The following CFAP20DC variants were observed in gnomAD, a reference collection of about 807,000 sequenced individuals.
CFAP20DC encodes CFAP20 domain containing.
CFAP20DC carries 84 observed loss-of-function variants against 101.7 expected under a neutral mutation model. The observed-to-expected ratio is 0.83, with a 90% CI of 0.69 to 0.99. The LOEUF is 0.99. Among genes scored for constraint, CFAP20DC ranks in the 50% least tolerant of loss-of-function variants. CFAP20DC has a pLI of 0.00. For missense variants in CFAP20DC, 1,007 were observed against 970.3 expected (o/e 1.04, Z -0.50); for synonymous variants, 359 against 351.2 (o/e 1.02, Z -0.25).
chr3:58,791,568 T>C (rs905220066), intron 15 of CFAP20DC, among the ~76,000 whole-genome samples: 2 of 152,184 alleles, frequency 1.3e-5, no homozygotes, highest in Non-Finnish European at 2.9e-5. Flanking sequence ...TATGAAAATA[T>C]ATGAAATGCT....
At chr3:59,018,005 A>C (rs1393142896) in intron 4 of CFAP20DC, 1 of 152,124 alleles carries the variant, frequency 6.6e-6, no homozygotes, top group Admixed American at 6.6e-5. Context: ...TCAGATTCCC[A>C]TTCCTAAAAG....
intron 4 of CFAP20DC, among the ~76,000 whole-genome samples, chr3:58,943,272 A>T (rs1300828917): frequency 6.6e-6 from 1 of 152,118 alleles, no homozygotes; most frequent in Non-Finnish European, 1.5e-5. Flanking sequence ...GTGCCTCCTG[A>T]CTGGGAGACA....
chr3:58,848,467 G>T (rs993837788), intron 13 of CFAP20DC, among the ~76,000 whole-genome samples: 1 of 152,108 alleles, frequency 6.6e-6, no homozygotes, highest in Non-Finnish European at 1.5e-5. Flanking sequence ...GCTTATAGGG[G>T]AATTGAAGGA....
intron 14 of CFAP20DC, among the ~76,000 whole-genome samples, chr3:58,828,780 T>C (rs2076208125): frequency 6.6e-6 from 1 of 151,618 alleles, no homozygotes; most frequent in African/African-American, 2.4e-5. Flanking sequence ...AATGTGCACA[T>C]GTACCTCCTC....
intron 14 of CFAP20DC, among the ~76,000 whole-genome samples, chr3:58,814,001 G>C (rs572005545): frequency 7.2e-5 from 11 of 151,928 alleles, no homozygotes; most frequent in Non-Finnish European, 1.3e-4. Context: ...GGCCTAACAG[G>C]TTCTCTGGAC....
At chr3:58,801,786 A>C (rs1473924141) in intron 15 of CFAP20DC, among the ~76,000 whole-genome samples, 1 of 152,242 alleles carries the variant, frequency 6.6e-6, no homozygotes, top group African/African-American at 2.4e-5. Flanking sequence ...TCAGATAATT[A>C]TGGTTATAAG....
chr3:58,945,114 T>C (rs972334497), intron 4 of CFAP20DC, among the ~76,000 whole-genome samples: 3 of 152,218 alleles, frequency 2.0e-5, no homozygotes, highest in South Asian at 4.1e-4. Flanking sequence ...ACTATTATTA[T>C]TATCATCTAT....
At chr3:58,778,068 T>C (rs556082974) in intron 15 of CFAP20DC, among the ~76,000 whole-genome samples, 2 of 152,320 alleles carry the variant, frequency 1.3e-5, no homozygotes, top group South Asian at 2.1e-4. Context: ...CCACTGCTCA[T>C]GACCTGGACT....
At chr3:58,890,514 G>A (rs1325126305) in intron 6 of CFAP20DC, among the ~76,000 whole-genome samples, 8 of 149,874 alleles carry the variant, frequency 5.3e-5, no homozygotes, top group Non-Finnish European at 1.0e-4. Context: ...AGGGGCAGCC[G>A]GGCAGAGGCG....
chr3:58,814,037 C>T (rs540071530), intron 14 of CFAP20DC, among the ~76,000 whole-genome samples: 11 of 151,954 alleles, frequency 7.2e-5, no homozygotes, highest in Admixed American at 3.9e-4. Flanking sequence ...TAGAAATACT[C>T]CCAATAACAA....
chr3:58,746,828 G>T (rs886207962), intron 16 of CFAP20DC, among the ~76,000 whole-genome samples: 2 of 151,966 alleles, frequency 1.3e-5, no homozygotes, highest in Admixed American at 1.3e-4. Context: ...TTACATAAAA[G>T]GTTTTGTTTT....
At chr3:58,817,154 A>G (rs569004422) in intron 14 of CFAP20DC, among the ~76,000 whole-genome samples, 62 of 151,966 alleles carry the variant, frequency 4.1e-4, no homozygotes, top group Admixed American at 7.2e-4. Flanking sequence ...CACCATCATC[A>G]AAGACCAAAA....
intron 3 of CFAP20DC, among the ~76,000 whole-genome samples, chr3:59,040,126 T>A (rs192775820): frequency 1.3e-5 from 2 of 152,210 alleles, no homozygotes; most frequent in Admixed American, 1.3e-4. Context: ...CCATAGCTAA[T>A]TCATATGGTT....
intron 14 of CFAP20DC, among the ~76,000 whole-genome samples, chr3:58,810,338 CA>C (rs1373681780): frequency 1.3e-5 from 2 of 152,020 alleles, no homozygotes; most frequent in Non-Finnish European, 2.9e-5. Flanking sequence ...AGCAGCATAT[CA>C]AAAAGCTTAT....
chr3:58,805,965 T>A (rs2074024339), intron 15 of CFAP20DC, among the ~76,000 whole-genome samples: 1 of 152,210 alleles, frequency 6.6e-6, no homozygotes, highest in African/African-American at 2.4e-5. Context: ...GGGCACCAGA[T>A]GATATAAAAA....
chr3:58,969,433 G>A lies in CFAP20DC; in HGVS notation c.279-31671C>T, dbSNP rs533325640. ...CCTCTTTGGAAACAGTTTCAAATAC[G>A]TAAAGTTCCATATGACCCAGCAATT... On this transcript the variant is annotated intron_variant, in intron 4 of 16. Transcript: ENST00000482387. 8.5e-5 allele frequency among the ~76,000 whole-genome samples: 13 copies of A among 152,226 alleles called. No individual in the cohort carries two copies. In the East Asian group the frequency reaches 2.3e-3, roughly 27 times the overall value.
chr3:58,716,328 A>AT (rs1156708079), downstream of CFAP20DC, among the ~76,000 whole-genome samples: 19 of 150,092 alleles, frequency 1.3e-4, 1 homozygote, highest in South Asian at 1.1e-3. Context: ...CGCCCGGCTA[A>AT]TTTTTTTTGT....
intron 4 of CFAP20DC, among the ~76,000 whole-genome samples, chr3:58,998,279 T>C (rs1188837289): frequency 6.6e-6 from 1 of 152,224 alleles, no homozygotes; most frequent in East Asian, 1.9e-4. Context: ...TGAAGTCTCA[T>C]AGGTCTGTTT....
At chr3:58,895,360 T>C (rs2082584181) in intron 6 of CFAP20DC, among the ~76,000 whole-genome samples, 1 of 152,204 alleles carries the variant, frequency 6.6e-6, no homozygotes, top group African/African-American at 2.4e-5. Context: ...AGAAATTTCT[T>C]CCACCAGATA....
Sources: gnomAD v4.1 joint callset for allele counts (sites outside exome capture counted in the v4.1 genomes callset) on GRCh38, gnomAD v4.1.1 for gene constraint, MANE v1.5 for transcripts, NCBI Gene and HGNC (gene_info 2026-07-23, HGNC 2026-07-21) for gene names.